CMKLR2: variants seen among roughly 807,000 people sequenced by gnomAD.
The protein encoded by CMKLR2 is chemerin-like receptor 2.
CMKLR2 carries 18 observed loss-of-function variants against 23.0 expected under a neutral mutation model. The ratio of observed to expected loss-of-function variants is 0.78; its 90% confidence interval spans 0.54 to 1.16. The LOEUF is 1.16. Among genes scored for constraint, CMKLR2 ranks in the 50% most tolerant of loss-of-function variants. The probability of loss-of-function intolerance (pLI) is 0.00; values close to 1 mark genes in which losing one functional copy is unlikely to be tolerated. For missense variants in CMKLR2, 401 were observed against 412.7 expected (o/e 0.97, Z 0.25); for synonymous variants, 158 against 158.9 (o/e 0.99, Z 0.05).
chr2:206,191,669 CTTTTTTTT>C (rs66802286), intron 1 of CMKLR2, among the ~76,000 whole-genome samples: 1 of 129,000 alleles, frequency 7.8e-6, no homozygotes, highest in African/African-American at 2.9e-5. Context: ...ACTTCTCTTT[CTTTTTTTT>C]TTTTTTTTTA....
At chr2:206,198,755 T>G (rs1324168548) in intron 1 of CMKLR2, among the ~76,000 whole-genome samples, 1 of 152,192 alleles carries the variant, frequency 6.6e-6, no homozygotes, top group Non-Finnish European at 1.5e-5. Flanking sequence ...TTCGTGAAAG[T>G]ATGGCAAAGT....
chr2:206,200,928 TTTTC>T (rs150684925), intron 1 of CMKLR2, among the ~76,000 whole-genome samples: 6,271 of 152,296 alleles, frequency 0.041, 184 homozygotes, highest in East Asian at 0.12. Flanking sequence ...TGTTTTTTCC[TTTTC>T]TTTCTTCCTT....
intron 1 of CMKLR2, among the ~76,000 whole-genome samples, chr2:206,187,792 A>T (rs1022311431): frequency 1.3e-5 from 2 of 152,140 alleles, no homozygotes; most frequent in African/African-American, 4.8e-5. Context: ...TGATGGGAGG[A>T]TGTGAATGAA....
intron 1 of CMKLR2, 34 bp downstream of exon 1, chr2:206,213,273 T>A (rs1008732513): frequency 6.6e-6 from 1 of 152,212 alleles, no homozygotes; most frequent in African/African-American, 2.4e-5. Flanking sequence ...TGTAAATGTG[T>A]CAGTTTGAGG....
upstream of CMKLR2, among the ~76,000 whole-genome samples, chr2:206,214,686 C>T (rs1689692468): frequency 6.6e-6 from 1 of 151,866 alleles, no homozygotes; most frequent in Admixed American, 6.6e-5. Context: ...TGCAGTGGCA[C>T]GATCTCGGCT....
At chr2:206,206,221 A>G (rs1398954227) in intron 1 of CMKLR2, among the ~76,000 whole-genome samples, 1 of 152,230 alleles carries the variant, frequency 6.6e-6, no homozygotes, top group Non-Finnish European at 1.5e-5. Flanking sequence ...TTGTATGTAA[A>G]GAACTGTAAT....
At chr2:206,193,611 G>A (rs570399365) in intron 1 of CMKLR2, among the ~76,000 whole-genome samples, 1 of 152,132 alleles carries the variant, frequency 6.6e-6, no homozygotes, top group Non-Finnish European at 1.5e-5. Context: ...ATCCTCTTTA[G>A]TGTCTTCTGG....
At chr2:206,213,384 G>A (rs1269553482), upstream of CMKLR2, 1 of 152,172 alleles carries the variant, frequency 6.6e-6, no homozygotes, top group Non-Finnish European at 1.5e-5. Flanking sequence ...AATGGAGGGT[G>A]GTGTTCAGAA....
At chr2:206,191,624 G>A (rs913867546) in intron 1 of CMKLR2, among the ~76,000 whole-genome samples, 2 of 151,370 alleles carry the variant, frequency 1.3e-5, no homozygotes, top group Admixed American at 1.3e-4. Context: ...AGAGTGGTGA[G>A]AAAATATTAT....
At chr2:206,209,577 G>A (rs1689462276) in intron 1 of CMKLR2, among the ~76,000 whole-genome samples, 1 of 151,288 alleles carries the variant, frequency 6.6e-6, no homozygotes, top group Admixed American at 6.6e-5. Flanking sequence ...ACCCCCACGT[G>A]TCCATGTGTT....
intron 1 of CMKLR2, among the ~76,000 whole-genome samples, chr2:206,207,727 C>CTTTTTTTTTTTTTTT (rs1559098514): frequency 3.4e-5 from 1 of 29,828 alleles, no homozygotes; most frequent in African/African-American, 2.1e-4. Context: ...GACCTCAGGG[C>CTTTTTTTTTTTTTTT]CTTTTTTTTT....
At chr2:206,194,684 C>T (rs1429763872) in intron 1 of CMKLR2, among the ~76,000 whole-genome samples, 1 of 151,620 alleles carries the variant, frequency 6.6e-6, no homozygotes, top group Non-Finnish European at 1.5e-5. Flanking sequence ...GATCTGTCCG[C>T]CTCAGGCTCC....
chr2:206,210,938 A>AT (rs1189427816), intron 1 of CMKLR2, among the ~76,000 whole-genome samples: 1 of 151,986 alleles, frequency 6.6e-6, no homozygotes, highest in Non-Finnish European at 1.5e-5. Flanking sequence ...TCTATATGCT[A>AT]TTTTTTTCTA....
chr2:206,197,861 A>G (rs1372120187), intron 1 of CMKLR2, among the ~76,000 whole-genome samples: 1 of 152,168 alleles, frequency 6.6e-6, no homozygotes. Context: ...TTTTACCCTC[A>G]AAACTGCCAT....
Position 206,176,833 on chromosome 2 carries a change from A to G in CMKLR2, c.415T>C (p.Leu139=). ...CGATGAGATAAGACAGGATGGATCAAGTGGATATAGTGGTCCAGGCTGATC... is the reference window on the plus strand; with the variant it reads ...CGATGAGATAAGACAGGATGGATCAGGTGGATATAGTGGTCCAGGCTGATC... The part of the protein sequence containing the change: ...TVISLDHYIH[L]IHPVLSHRHR... Residue 139 remains leucine, a synonymous_variant, in exon 2 of 2, where the codon TTG becomes CTG. Coordinates refer to ENST00000621141, the MANE Select transcript of CMKLR2 (RefSeq NM_001389445.1). 1 of 1,614,176 alleles carries G rather than the reference A, an allele frequency of 6.2e-7. No homozygotes were observed. Among genetic ancestry groups the G allele is most frequent in the African/African-American group, 1.3e-5 (1 of 75,046 alleles).
At chr2:206,186,815 G>C (rs1012135676) in intron 1 of CMKLR2, among the ~76,000 whole-genome samples, 9 of 149,858 alleles carry the variant, frequency 6.0e-5, no homozygotes, top group African/African-American at 2.2e-4. Context: ...TTTAAGACAG[G>C]GGTTTTGCTC....
intron 1 of CMKLR2, among the ~76,000 whole-genome samples, chr2:206,198,982 T>C (rs1010971464): frequency 2.0e-5 from 3 of 152,176 alleles, no homozygotes; most frequent in Non-Finnish European, 4.4e-5. Flanking sequence ...TTAGAAGAAA[T>C]AGAATTTCCA....
At chr2:206,195,553 A>G (rs1288303563) in intron 1 of CMKLR2, among the ~76,000 whole-genome samples, 1 of 152,212 alleles carries the variant, frequency 6.6e-6, no homozygotes, top group Non-Finnish European at 1.5e-5. Context: ...GACTTTTCAC[A>G]TCATCCTTCA....
At chr2:206,187,251 A>G (rs1688609386) in intron 1 of CMKLR2, among the ~76,000 whole-genome samples, 1 of 152,222 alleles carries the variant, frequency 6.6e-6, no homozygotes, top group Non-Finnish European at 1.5e-5. Context: ...ACACCACTGC[A>G]CTCCAGTCTG....
Sources: allele counts gnomAD v4.1 joint callset (sites outside exome capture counted in the v4.1 genomes callset), GRCh38; gene constraint gnomAD v4.1.1; transcripts MANE v1.5; gene names NCBI Gene and HGNC (gene_info 2026-07-23, HGNC 2026-07-21).